HEATR4: variants seen among roughly 807,000 people sequenced by gnomAD.
HEATR4 encodes HEAT repeat containing 4, also known as HEAT repeat-containing protein 4.
Under a neutral mutation model 108.8 loss-of-function variants are expected in HEATR4, and 95 were observed. The observed-to-expected ratio is 0.87, with a 90% CI of 0.74 to 1.04. HEATR4 has a LOEUF of 1.04. Ranked by LOEUF, HEATR4 falls within the 50% of genes least tolerant of loss-of-function variation. The probability of loss-of-function intolerance (pLI) is 0.00; values close to 1 mark genes in which losing one functional copy is unlikely to be tolerated. For synonymous variants in HEATR4, 443 were observed against 459.4 expected (o/e 0.96, Z 0.46); for missense variants, 1,152 against 1,253.8 (o/e 0.92, Z 1.23).
intron 1 of HEATR4, among the ~76,000 whole-genome samples, chr14:73,540,688 G>A (rs1213463515): frequency 2.5e-5 from 3 of 122,286 alleles, no homozygotes; most frequent in African/African-American, 2.8e-5. Context: ...GATGGTTTGC[G>A]GGTATCAGCA....
At chr14:73,495,933 G>A (rs969933310) in intron 15 of HEATR4, among the ~76,000 whole-genome samples, 2 of 152,124 alleles carry the variant, frequency 1.3e-5, no homozygotes, top group African/African-American at 4.8e-5. Flanking sequence ...TTCAAGACCA[G>A]CCTGGCCAAC....
chr14:73,607,138 T>C, the HEATR4 span, among the ~76,000 whole-genome samples: 1 of 152,044 alleles, frequency 6.6e-6, no homozygotes, highest in African/African-American at 2.4e-5. Context: ...GGTGAAACCC[T>C]GTCTCTACTA....
At chr14:73,508,856 T>C (rs1165022123) in intron 8 of HEATR4, among the ~76,000 whole-genome samples, 4 of 151,902 alleles carry the variant, frequency 2.6e-5, no homozygotes, top group Non-Finnish European at 5.9e-5. Flanking sequence ...TTTTTTTCCT[T>C]TTTTTTAGAG....
At chr14:73,505,873 A>G (rs1333230304) in intron 10 of HEATR4, among the ~76,000 whole-genome samples, 1 of 149,874 alleles carries the variant, frequency 6.7e-6, no homozygotes, top group Non-Finnish European at 1.5e-5. Flanking sequence ...GGCAATATCA[A>G]ATTACTATAA....
the HEATR4 span, among the ~76,000 whole-genome samples, chr14:73,576,919 ATTCTT>A: frequency 1.6e-3 from 208 of 127,382 alleles, 1 homozygote; most frequent in South Asian, 2.9e-3. Context: ...TTAATTTATT[ATTCTT>A]TTCTTTTCTT....
chr14:73,629,946 C>T, the HEATR4 span, among the ~76,000 whole-genome samples: 1 of 151,642 alleles, frequency 6.6e-6, no homozygotes, highest in Non-Finnish European at 1.5e-5. Flanking sequence ...CACACCCGGC[C>T]CCAGATTACT....
At position 73,509,404 on chromosome 14, in the gene HEATR4, G is replaced by C. The variant is rs1887060498; in HGVS notation, c.1628C>G (p.Ala543Gly). 1 of 1,614,020 alleles carries C rather than the reference G, an allele frequency of 6.2e-7. No homozygotes were observed. Among genetic ancestry groups the C allele is most frequent in the Non-Finnish European group, 8.5e-7 (1 of 1,179,998 alleles). Reference protein sequence around the residue: ...ALEAALCDKNAHVRMAAAICQ... With the variant: ...ALEAALCDKNGHVRMAAAICQ... ...TATTGCTGCTGCCATCCGCACATGG[G>C]CATTCTTGTCACAAAGAGCAGCCTC... Residue 543 changes from alanine to glycine, a missense_variant, in exon 8 of 18, where the codon GCC becomes GGC. Physicochemically the swap from Ala to Gly is moderately conservative, Grantham distance 60 (BLOSUM62 0). Transcript: ENST00000553558.
intron 2 of HEATR4, among the ~76,000 whole-genome samples, chr14:73,528,471 G>C (rs1271143702): frequency 1.3e-5 from 2 of 150,884 alleles, no homozygotes; most frequent in African/African-American, 4.9e-5. Flanking sequence ...GGGAACACAT[G>C]ATAGGTCTGT....
At chr14:73,482,545 A>T (rs181595513) in intron 17 of HEATR4, among the ~76,000 whole-genome samples, 8 of 152,320 alleles carry the variant, frequency 5.3e-5, no homozygotes, top group Non-Finnish European at 4.4e-5. Context: ...AAAAAAGGGA[A>T]GCACAGGAGA....
At chr14:73,554,609 T>C (rs959189705) in intron 1 of HEATR4, among the ~76,000 whole-genome samples, 2 of 114,696 alleles carry the variant, frequency 1.7e-5, no homozygotes, top group African/African-American at 5.6e-5. Context: ...TATCTTTAAG[T>C]AGGATTGAAG....
intron 9 of HEATR4, among the ~76,000 whole-genome samples, chr14:73,506,804 G>GTTTTTTTTTTTTTTTGTT (rs1886869145): frequency 1.2e-5 from 1 of 80,522 alleles, no homozygotes; most frequent in African/African-American, 4.9e-5. Flanking sequence ...GACTTTAACT[G>GTTTTTTTTTTTTTTTGTT]TTTTTTTTTT....
the HEATR4 span, chr14:73,619,560 G>A: frequency 4.3e-6 from 7 of 1,614,204 alleles, no homozygotes; most frequent in Non-Finnish European, 5.9e-6. Flanking sequence ...ATCAAAGCTG[G>A]AAGAGTGAAT....
At chr14:73,589,266 T>C in the HEATR4 span, among the ~76,000 whole-genome samples, 1 of 152,308 alleles carries the variant, frequency 6.6e-6, no homozygotes. Flanking sequence ...CAACTACTGA[T>C]CTTTTTACTA....
chr14:73,595,346 C>T, the HEATR4 span: 1 of 1,614,234 alleles, frequency 6.2e-7, no homozygotes, highest in Non-Finnish European at 8.5e-7. Flanking sequence ...GCCCATCCTG[C>T]TCATTGTTGG....
the HEATR4 span, among the ~76,000 whole-genome samples, chr14:73,620,671 G>T: frequency 9.2e-5 from 14 of 151,904 alleles, no homozygotes; most frequent in Non-Finnish European, 1.6e-4. Context: ...AGGTTCAAGC[G>T]ATTCTCCTGC....
Position 73,498,030 on chromosome 14 carries a change from G to A in HEATR4, c.2546+125C>T, listed in dbSNP as rs185376799. 3,022 of 807,820 alleles carry A rather than the reference G, an allele frequency of 3.7e-3. 12 individuals are homozygous for A. Among genetic ancestry groups the A allele is most frequent in the Non-Finnish European group, 4.8e-3 (2,444 of 511,704 alleles). The allele number at this position is 807,820 out of a possible 1,614,324, so 50.0% of individuals were successfully genotyped here. On this transcript the variant is annotated intron_variant, in intron 14 of 17. Transcript: ENST00000553558. ...TTACCTACTTGGGTGAGTGGTGAAT[G>A]TGCAGGTGAACCAGTGCTTTTACTG...
chr14:73,519,555 G>A (rs1189017811), intron 4 of HEATR4, among the ~76,000 whole-genome samples: 1 of 151,834 alleles, frequency 6.6e-6, no homozygotes, highest in Non-Finnish European at 1.5e-5. Context: ...ACCAGCCTGG[G>A]CAACACTGTA....
chr14:73,601,638 A>T, the HEATR4 span, among the ~76,000 whole-genome samples: 2 of 152,232 alleles, frequency 1.3e-5, no homozygotes, highest in African/African-American at 2.4e-5. Flanking sequence ...TGTCTTTTCC[A>T]TGATGAGTCA....
At chr14:73,504,875 G>C (rs1886712972) in intron 10 of HEATR4, among the ~76,000 whole-genome samples, 1 of 152,120 alleles carries the variant, frequency 6.6e-6, no homozygotes, top group African/African-American at 2.4e-5. Flanking sequence ...CAAAAACGAA[G>C]TGTTGCCTGG....
Sources: gnomAD v4.1 joint callset for allele counts (sites outside exome capture counted in the v4.1 genomes callset) on GRCh38, gnomAD v4.1.1 for gene constraint, MANE v1.5 for transcripts, NCBI Gene and HGNC (gene_info 2026-07-23, HGNC 2026-07-21) for gene names.